The following SIPA1L3 variants were observed in gnomAD, a reference collection of about 807,000 sequenced individuals.
The protein encoded by SIPA1L3 is signal-induced proliferation-associated 1-like protein 3.
SIPA1L3 carries 59 observed loss-of-function variants against 150.1 expected under a neutral mutation model. That is an observed-to-expected ratio of 0.39 (90% CI 0.32 to 0.49). The LOEUF is 0.49. Among genes scored for constraint, SIPA1L3 ranks in the 20% least tolerant of loss-of-function variants. SIPA1L3 has a pLI of 0.86. For missense variants in SIPA1L3, 2,211 were observed against 2,489.5 expected, an observed-to-expected ratio of 0.89 and a Z score of 2.38; for synonymous variants, 1,070 against 1,077.6, an observed-to-expected ratio of 0.99 and a Z score of 0.14.
At chr19:37,930,817 C>A (rs2046547099) in intron 1 of SIPA1L3, among the ~76,000 whole-genome samples, 1 of 152,070 alleles carries the variant, frequency 6.6e-6, no homozygotes, top group Non-Finnish European at 1.5e-5. Flanking sequence ...ACGTGACATG[C>A]TTAGACACCC....
At chr19:38,104,846 C>A (rs1216084379) in intron 6 of SIPA1L3, among the ~76,000 whole-genome samples, 2 of 151,358 alleles carry the variant, frequency 1.3e-5, no homozygotes, top group African/African-American at 4.8e-5. Flanking sequence ...GCTAGGATTA[C>A]AGGTGTGAGC....
At chr19:38,086,170 G>A (rs1457417550) in intron 3 of SIPA1L3, among the ~76,000 whole-genome samples, 1 of 151,996 alleles carries the variant, frequency 6.6e-6, no homozygotes, top group Admixed American at 6.6e-5. Flanking sequence ...CACTGTATAT[G>A]TATTAACTTT....
chr19:38,198,385 C>G lies in SIPA1L3; in HGVS notation c.4841-4C>G, dbSNP rs746213756. The G allele has an allele frequency of 2.6e-6, 4 of 1,542,986 alleles. 1 individual carries two copies. The South Asian group carries it at 3.7e-5, about 14-fold the overall frequency. ...CCACTGCCATCTCCACCCTCCCCATCCAGCCACCATCTCAGCCTCGGAGCT... is the reference window on the plus strand; with the variant it reads ...CCACTGCCATCTCCACCCTCCCCATGCAGCCACCATCTCAGCCTCGGAGCT... On this transcript the variant is annotated splice_polypyrimidine_tract_variant and splice_region_variant and intron_variant, in intron 18 of 21. Coordinates refer to ENST00000222345, the MANE Select transcript of SIPA1L3 (RefSeq NM_015073.3).
At chr19:38,011,022 C>T (rs532244520) in intron 1 of SIPA1L3, among the ~76,000 whole-genome samples, 7 of 152,268 alleles carry the variant, frequency 4.6e-5, no homozygotes, top group African/African-American at 7.2e-5. Context: ...CATGGATGTG[C>T]GCAGATATAT....
chr19:38,010,096 C>CTCCCAGCAGCAACTGCT (rs1010323326), intron 1 of SIPA1L3, among the ~76,000 whole-genome samples: 5 of 152,130 alleles, frequency 3.3e-5, no homozygotes, highest in Admixed American at 2.0e-4. Flanking sequence ...TCCAGACCCC[C>CTCCCAGCAGCAACTGCT]TCCCAGCAGC....
At chr19:38,147,040 TTTTTA>T (rs1459145547) in intron 12 of SIPA1L3, among the ~76,000 whole-genome samples, 2 of 152,086 alleles carry the variant, frequency 1.3e-5, no homozygotes, top group South Asian at 4.2e-4. Context: ...GAACAAAAGT[TTTTTA>T]TTTTATTTTT....
At chr19:37,973,728 A>G (rs80006407) in intron 1 of SIPA1L3, among the ~76,000 whole-genome samples, 3 of 152,228 alleles carry the variant, frequency 2.0e-5, no homozygotes, top group Non-Finnish European at 4.4e-5. Flanking sequence ...TGTTCTGCTT[A>G]AATTATTTGT....
intron 18 of SIPA1L3, among the ~76,000 whole-genome samples, chr19:38,196,494 C>T (rs879031536): frequency 9.5e-5 from 9 of 94,574 alleles, no homozygotes; most frequent in South Asian, 8.4e-4. Context: ...GATGTCAAGG[C>T]GGAGCAAGGA....
At chr19:37,914,575 C>T (rs1209849650) in intron 1 of SIPA1L3, among the ~76,000 whole-genome samples, 1 of 151,986 alleles carries the variant, frequency 6.6e-6, no homozygotes, top group Non-Finnish European at 1.5e-5. Context: ...ACAGGTTACA[C>T]CATGTTGGCC....
intron 1 of SIPA1L3, among the ~76,000 whole-genome samples, chr19:37,952,400 C>T (rs1430146726): frequency 6.6e-6 from 1 of 152,158 alleles, no homozygotes; most frequent in African/African-American, 2.4e-5. Flanking sequence ...CTGCCAGGCG[C>T]AGTGGCTCAT....
At chr19:38,079,216 C>T (rs377334965) in intron 2 of SIPA1L3, among the ~76,000 whole-genome samples, 9 of 152,248 alleles carry the variant, frequency 5.9e-5, no homozygotes, top group African/African-American at 2.2e-4. Flanking sequence ...ACCTGTAGTC[C>T]CAGCTACTCA....
At chr19:37,950,055 C>T (rs796264058) in intron 1 of SIPA1L3, among the ~76,000 whole-genome samples, 61 of 123,300 alleles carry the variant, frequency 4.9e-4, no homozygotes, top group African/African-American at 1.8e-3. Context: ...CCAACCTGGG[C>T]GATGGAGCCA....
intron 1 of SIPA1L3, among the ~76,000 whole-genome samples, chr19:37,985,404 T>G (rs1036083135): frequency 1.3e-5 from 2 of 152,118 alleles, no homozygotes; most frequent in African/African-American, 4.8e-5. Flanking sequence ...GGCACATGCC[T>G]CTAGTTCCAG....
Position 38,192,326 on chromosome 19 carries a change from TC to T in SIPA1L3, c.4596+21del. ...AGACACGGGAGTACGTAGGGCCCTG[TC>T]CCCCGCTCCCGACCCCCAGCTCCCA... On this transcript the variant is annotated intron_variant, in intron 17 of 21. Transcript: ENST00000222345. 1 of 1,568,178 alleles carries T rather than the reference TC, an allele frequency of 6.4e-7. No homozygotes were observed. The highest frequency in any genetic ancestry group is 8.6e-7 in the Non-Finnish European group (1 of 1,159,142).
intron 2 of SIPA1L3, among the ~76,000 whole-genome samples, chr19:38,067,523 G>GCTCTTTGACGTTAAATGTGGA (rs1969622915): frequency 6.6e-6 from 1 of 152,098 alleles, no homozygotes; most frequent in Non-Finnish European, 1.5e-5. Flanking sequence ...AGCACTTTGG[G>GCTCTTTGACGTTAAATGTGGA]AGGCCGAGGC....
intron 15 of SIPA1L3, among the ~76,000 whole-genome samples, chr19:38,171,109 C>A (rs1972318589): frequency 6.6e-6 from 1 of 151,484 alleles, no homozygotes; most frequent in African/African-American, 2.4e-5. Flanking sequence ...GACTATTTAC[C>A]ATTAACAAAA....
At chr19:37,936,482 C>T (rs933270510) in intron 1 of SIPA1L3, among the ~76,000 whole-genome samples, 1 of 152,232 alleles carries the variant, frequency 6.6e-6, no homozygotes, top group Non-Finnish European at 1.5e-5. Context: ...GCTGAGCTCA[C>T]CTCTCTCATA....
chr19:38,111,024 GTTTTT>G (rs528494849), intron 8 of SIPA1L3, among the ~76,000 whole-genome samples: 1 of 138,260 alleles, frequency 7.2e-6, no homozygotes, highest in Admixed American at 7.1e-5. Context: ...GTTGTTTTGG[GTTTTT>G]TTTTTTTTTT....
chr19:38,127,183 A>G (rs933205658), intron 9 of SIPA1L3, among the ~76,000 whole-genome samples: 18 of 151,970 alleles, frequency 1.2e-4, no homozygotes, highest in Non-Finnish European at 1.0e-4. Context: ...CAAGAGCGAA[A>G]CTCCGTCTCA....
Sources: gnomAD v4.1 joint callset for allele counts (sites outside exome capture counted in the v4.1 genomes callset) on GRCh38, gnomAD v4.1.1 for gene constraint, MANE v1.5 for transcripts, NCBI Gene and HGNC (gene_info 2026-07-23, HGNC 2026-07-21) for gene names.